ABCB11: variants seen among roughly 807,000 people sequenced by gnomAD.
ABCB11 encodes ATP binding cassette subfamily B member 11.
Under a neutral mutation model 148.0 loss-of-function variants are expected in ABCB11, and 95 were observed. The observed-to-expected ratio is 0.64, with a 90% confidence interval of 0.54 to 0.76. The LOEUF (loss-of-function observed/expected upper bound fraction) is 0.76, where lower values mean the gene tolerates loss of function less well. ABCB11 is among the 30% of genes least tolerant of loss of function. ABCB11 has a pLI of 0.00. For synonymous variants in ABCB11, 591 were observed against 555.4 expected, an observed-to-expected ratio of 1.06 and a Z score of -0.90; for missense variants, 1,523 against 1,617.8, an observed-to-expected ratio of 0.94 and a Z score of 1.01.
Position 168,970,231 on chromosome 2 carries a change from C to T in ABCB11, c.1639-16G>A, listed in dbSNP as rs755210043. 7 of 1,607,720 alleles carry T rather than the reference C, an allele frequency of 4.4e-6. No homozygotes were observed. The highest frequency in any genetic ancestry group is 5.1e-6 in the Non-Finnish European group (6 of 1,176,562). ...TGTCAAATTGCTAGATGGAAGGTGACACCAGTCATGAAGGGAAAAGAATTT... is the reference window on the plus strand; with the variant it reads ...TGTCAAATTGCTAGATGGAAGGTGATACCAGTCATGAAGGGAAAAGAATTT... On this transcript the variant is annotated splice_polypyrimidine_tract_variant and intron_variant, in intron 14 of 27. Coordinates refer to ENST00000650372, the MANE Select transcript of ABCB11 (RefSeq NM_003742.4).
chr2:168,944,545 G>A, intron 21 of ABCB11, 60 bp downstream of exon 21: 1 of 1,497,008 alleles, frequency 6.7e-7, no homozygotes, highest in Non-Finnish European at 9.0e-7. Context: ...TTGTCAGAAT[G>A]CTCTAATGAA....
At chr2:168,991,536 A>G (rs1180474642) in intron 8 of ABCB11, among the ~76,000 whole-genome samples, 1 of 152,096 alleles carries the variant, frequency 6.6e-6, no homozygotes, top group African/African-American at 2.4e-5. Flanking sequence ...AGTCAAAATG[A>G]ACCCCCAAAG....
At chr2:168,937,244 C>G (rs539866549) in intron 21 of ABCB11, among the ~76,000 whole-genome samples, 1 of 152,222 alleles carries the variant, frequency 6.6e-6, no homozygotes, top group East Asian at 1.9e-4. Flanking sequence ...TTTGTATATC[C>G]ATTCATCCAT....
chr2:169,016,232 A>G (rs1695351925), intron 3 of ABCB11, among the ~76,000 whole-genome samples: 1 of 152,136 alleles, frequency 6.6e-6, no homozygotes, highest in Non-Finnish European at 1.5e-5. Context: ...TCTGCTGTGA[A>G]TTACTTAAAA....
Position 168,923,666 on chromosome 2 carries a change from CT to C in ABCB11, c.3921del (p.Gly1308GlufsTer6). 1.2e-6 allele frequency: 2 copies of C among 1,613,750 alleles called. No homozygotes were observed. Among genetic ancestry groups the C allele is most frequent in the Non-Finnish European group, 1.7e-6 (2 of 1,179,856 alleles). On this transcript the variant is annotated frameshift_variant, in exon 28 of 28. Coordinates refer to ENST00000650372, the MANE Select transcript of ABCB11 (RefSeq NM_003742.4). LOFTEE classifies it high-confidence loss of function. ...KGTHEELMAQ[K>X]GAYYKLVTTG... is the part of the protein sequence containing the mutation. ...GTGGTGACTAGTTTGTAGTAGGCTC[CT>C]TTTTGGGCCATCAGTTCTTCATGGG...
chr2:168,981,001 A>G (rs1694116746), intron 10 of ABCB11, among the ~76,000 whole-genome samples: 1 of 152,176 alleles, frequency 6.6e-6, no homozygotes, highest in African/African-American at 2.4e-5. Flanking sequence ...TTCATTGGCC[A>G]CAGTCTATTG....
intron 17 of ABCB11, among the ~76,000 whole-genome samples, chr2:168,964,993 C>A (rs1361630948): frequency 6.6e-6 from 1 of 151,660 alleles, no homozygotes; most frequent in Non-Finnish European, 1.5e-5. Context: ...AAATTTAAAC[C>A]TTATAGAAGA....
intron 5 of ABCB11, among the ~76,000 whole-genome samples, chr2:169,011,632 T>G (rs981215778): frequency 6.6e-6 from 1 of 152,184 alleles, no homozygotes; most frequent in South Asian, 2.1e-4. Flanking sequence ...GATCATTGAC[T>G]GAATGATGGC....
intron 18 of ABCB11, among the ~76,000 whole-genome samples, chr2:168,961,451 GTCTTA>G (rs2105941463): frequency 6.6e-6 from 1 of 151,812 alleles, no homozygotes; most frequent in East Asian, 2.0e-4. Context: ...TCCCATCTCT[GTCTTA>G]TCTTAACCAA....
intron 19 of ABCB11, among the ~76,000 whole-genome samples, chr2:168,952,367 T>C (rs1692603601): frequency 1.3e-5 from 2 of 151,470 alleles, no homozygotes; most frequent in African/African-American, 4.8e-5. Flanking sequence ...TTTATTTTTT[T>C]TTGTTAGGAA....
chr2:168,977,579 G>A (rs1257575903), intron 11 of ABCB11, among the ~76,000 whole-genome samples: 2 of 152,084 alleles, frequency 1.3e-5, no homozygotes, highest in Non-Finnish European at 2.9e-5. Flanking sequence ...TCCATAACTA[G>A]TGATGGAAAT....
intron 22 of ABCB11, among the ~76,000 whole-genome samples, chr2:168,935,926 A>G (rs1273519012): frequency 6.6e-6 from 1 of 152,128 alleles, no homozygotes; most frequent in Non-Finnish European, 1.5e-5. Context: ...TGAACTATCC[A>G]CCCCTGCAAA....
chr2:168,988,683 A>C (rs1290864060), intron 9 of ABCB11, among the ~76,000 whole-genome samples: 1 of 152,030 alleles, frequency 6.6e-6, no homozygotes, highest in Non-Finnish European at 1.5e-5. Flanking sequence ...TTTTTGATGA[A>C]TCTCCATACT....
chr2:168,940,866 T>A (rs987739453), intron 21 of ABCB11, among the ~76,000 whole-genome samples: 1 of 152,090 alleles, frequency 6.6e-6, no homozygotes, highest in Non-Finnish European at 1.5e-5. Context: ...ATGCTAAATC[T>A]CCTCTGCCTA....
intron 7 of ABCB11, among the ~76,000 whole-genome samples, chr2:168,994,680 C>T (rs60494593): frequency 0.05 from 7,587 of 152,134 alleles, 626 homozygotes; most frequent in African/African-American, 0.17. Context: ...AAGTGCAAGG[C>T]AATTGCTCCA....
chr2:168,968,553 A>G (rs1693419680), intron 16 of ABCB11, 63 bp from the exon 17 acceptor site: 1 of 1,321,286 alleles, frequency 7.6e-7, no homozygotes, highest in Admixed American at 2.1e-5. Flanking sequence ...ATCCAAGTAG[A>G]ATTCTTTACT....
intron 18 of ABCB11, among the ~76,000 whole-genome samples, chr2:168,961,070 C>T (rs937895061): frequency 6.6e-6 from 1 of 151,680 alleles, no homozygotes; most frequent in Non-Finnish European, 1.5e-5. Flanking sequence ...TGATACCTGG[C>T]ACTTCACAGT....
chr2:168,970,156 C>T lies in ABCB11; in HGVS notation c.1698G>A (p.Arg566=), dbSNP rs1026929124. 3 of 1,612,860 alleles carry T rather than the reference C, an allele frequency of 1.9e-6. No individual in the cohort carries two copies. Among genetic ancestry groups the T allele is most frequent in the Non-Finnish European group, 2.5e-6 (3 of 1,179,302 alleles). Residue 566 remains arginine (R), a synonymous_variant, in exon 15 of 28, where the codon AGG becomes AGA. Transcript: ENST00000650372. Reference sequence around the variant, plus strand: ...GGATGAGGGCTCTGGCGATAGCTACCCTTTGTTTCTGGCCACCACTCATCT... The same window carrying T: ...GGATGAGGGCTCTGGCGATAGCTACTCTTTGTTTCTGGCCACCACTCATCT... ...GGQMSGGQKQ[R]VAIARALIRN... is the part of the protein sequence containing the mutation.
intron 5 of ABCB11, among the ~76,000 whole-genome samples, chr2:169,010,613 C>T (rs145929387): frequency 1.3e-4 from 20 of 152,180 alleles, no homozygotes; most frequent in African/African-American, 4.3e-4. Context: ...ACTTTTTCCA[C>T]GAAAGAAACC....
Sources: gnomAD v4.1 joint callset for allele counts (sites outside exome capture counted in the v4.1 genomes callset) on GRCh38, gnomAD v4.1.1 for gene constraint, MANE v1.5 for transcripts, NCBI Gene and HGNC (gene_info 2026-07-23, HGNC 2026-07-21) for gene names.